ARMH1: variants seen among roughly 807,000 people sequenced by gnomAD.
ARMH1 encodes the protein armadillo-like helical domain containing protein 1.
A neutral mutation model predicts 50.2 loss-of-function variants in ARMH1; 34 were observed. The ratio of observed to expected loss-of-function variants is 0.68; its 90% CI spans 0.51 to 0.90. The LOEUF is 0.90. Ranked by LOEUF, ARMH1 falls within the 40% of genes least tolerant of loss-of-function variation. The probability of loss-of-function intolerance (pLI) is 0.00; values close to 1 mark genes in which losing one functional copy is unlikely to be tolerated. For synonymous variants in ARMH1, 221 were observed against 224.2 expected, an observed-to-expected ratio of 0.99 and a Z score of 0.13; for missense variants, 538 against 553.9, an observed-to-expected ratio of 0.97 and a Z score of 0.29.
intron 3 of ARMH1, among the ~76,000 whole-genome samples, chr1:44,697,647 A>G (rs1288010380): frequency 6.6e-6 from 1 of 151,998 alleles, no homozygotes; most frequent in Non-Finnish European, 1.5e-5. Context: ...GATCCTTTCC[A>G]CAGCTTCCCA....
In ARMH1 at chr1:44,709,510, A is replaced by C. The variant is rs556072585; in HGVS notation, c.724+5337A>C. On this transcript the variant is annotated intron_variant, in intron 6 of 11. Coordinates refer to ENST00000535358, the MANE Select transcript of ARMH1 (RefSeq NM_001145636.2). The stretch of plus-strand genomic sequence containing the variant: ...ACACGGTGAAACCCCATCTCTACTA[A>C]AAATACAAAAAATTAGCCGGGCGTA... Among the ~76,000 whole-genome samples, 32 of 152,140 alleles carry C rather than the reference A, an allele frequency of 2.1e-4. 1 individual carries two copies. The highest frequency in any genetic ancestry group is 6.8e-3 in the Middle Eastern group (2 of 294).
rs1196592419 is a variant in ARMH1 at position 44,713,324 on chromosome 1, C to A, written c.724+9151C>A. 2.6e-5 allele frequency among the ~76,000 whole-genome samples: 4 copies of A among 152,012 alleles called. No individual in the cohort carries two copies. The East Asian group carries it at 7.7e-4, about 29-fold the overall frequency. Reference sequence around the variant, plus strand: ...ATGTTGGCCAGGCTGGTCTCCAACTCCTGGGCTCAAGCGATCCACCTGCCT... The same window carrying A: ...ATGTTGGCCAGGCTGGTCTCCAACTACTGGGCTCAAGCGATCCACCTGCCT... On this transcript the variant is annotated intron_variant, in intron 6 of 11. Coordinates refer to ENST00000535358, the MANE Select transcript of ARMH1 (RefSeq NM_001145636.2).
intron 5 of ARMH1, 132 bp from the exon 6 acceptor site, chr1:44,703,957 A>C: frequency 1.6e-6 from 1 of 621,828 alleles, no homozygotes; most frequent in South Asian, 1.8e-5. Context: ...GGATCTCCTG[A>C]CCTCGTGATC....
In ARMH1 at chr1:44,689,730, C is replaced by T. The variant is rs1557521594; in HGVS notation, c.33C>T (p.Ser11=). 1.3e-6 allele frequency: 2 copies of T among 1,552,006 alleles called. No individual in the cohort carries two copies. Among genetic ancestry groups the T allele is most frequent in the Non-Finnish European group, 1.7e-6 (2 of 1,147,046 alleles). The change falls in exon 2 of 12, where the codon AGC becomes AGT. Residue 11 remains serine, a synonymous_variant. Coordinates refer to ENST00000535358, the MANE Select transcript of ARMH1 (RefSeq NM_001145636.2). ...CTATAAAGGAGCAGGCAGCAATTAG[C>T]AGGCTCTTAAGTTTTTTACAGGAGT... MTSIKEQAAI[S]RLLSFLQEWD... is the part of the protein sequence containing the mutation.
chr1:44,692,018 C>T (rs1456962413), intron 2 of ARMH1, among the ~76,000 whole-genome samples: 1 of 152,148 alleles, frequency 6.6e-6, no homozygotes, highest in African/African-American at 2.4e-5. Flanking sequence ...TCTGTGTGCC[C>T]ATAGCACTCT....
intron 1 of ARMH1, among the ~76,000 whole-genome samples, chr1:44,687,539 C>T (rs1375794062): frequency 6.6e-6 from 1 of 152,106 alleles, no homozygotes; most frequent in Non-Finnish European, 1.5e-5. Flanking sequence ...TGGAGGGCAG[C>T]AAGAGGTGAG....
intron 1 of ARMH1, among the ~76,000 whole-genome samples, chr1:44,677,374 G>C (rs1340315586): frequency 6.6e-6 from 1 of 152,178 alleles, no homozygotes; most frequent in Non-Finnish European, 1.5e-5. Flanking sequence ...ATCTAGGTTT[G>C]GGTTTTACCA....
intron 2 of ARMH1, among the ~76,000 whole-genome samples, chr1:44,696,154 G>A (rs183645282): frequency 6.6e-6 from 1 of 152,314 alleles, no homozygotes; most frequent in East Asian, 1.9e-4. Flanking sequence ...CAAGAGGCAG[G>A]GGAGCCTGGC....
rs58030485 is a variant in ARMH1, at chr1:44,707,247, C to CTGAG, written c.724+3100_724+3103dup. Reference sequence around the variant, plus strand: ...ATGTTAGGTCCTCATTGCATGTTTGCTGAGTGAGTGAGTGAGTGAGTGAGT... The same window carrying CTGAG: ...ATGTTAGGTCCTCATTGCATGTTTGCTGAGTGAGTGAGTGAGTGAGTGAGTGAGT... On this transcript the variant is annotated intron_variant, in intron 6 of 11. Coordinates refer to ENST00000535358, the MANE Select transcript of ARMH1 (RefSeq NM_001145636.2). Among the ~76,000 whole-genome samples, 288 of 152,058 alleles carry CTGAG rather than the reference C, an allele frequency of 1.9e-3. 1 individual carries two copies. Among genetic ancestry groups the CTGAG allele is most frequent in the East Asian group, 2.1e-3 (11 of 5,186 alleles).
intron 6 of ARMH1, among the ~76,000 whole-genome samples, chr1:44,712,046 G>A (rs1646634713): frequency 6.6e-6 from 1 of 152,174 alleles, no homozygotes; most frequent in Non-Finnish European, 1.5e-5. Flanking sequence ...TCTTTCTTCA[G>A]TATTAGAACA....
intron 4 of ARMH1, among the ~76,000 whole-genome samples, chr1:44,699,639 C>T (rs1053341322): frequency 4.0e-5 from 6 of 151,642 alleles, no homozygotes; most frequent in South Asian, 2.1e-4. Flanking sequence ...TTAGTAGAGA[C>T]GGGGTTTCGC....
chr1:44,700,758 A>G (rs1268487234), intron 4 of ARMH1, among the ~76,000 whole-genome samples, 165 bp from the exon 5 acceptor site: 2 of 152,216 alleles, frequency 1.3e-5, no homozygotes, highest in Admixed American at 6.5e-5. Flanking sequence ...ACATAACTCT[A>G]AGGTAAACAA....
intron 5 of ARMH1, 124 bp downstream of exon 5, chr1:44,701,243 G>T (rs1646069095): frequency 1.0e-6 from 1 of 964,132 alleles, no homozygotes; most frequent in Non-Finnish European, 1.5e-6. Context: ...CATGTCTGTT[G>T]TTCAATCAGC....
chr1:44,680,909 C>T lies in ARMH1; in HGVS notation c.-23+6036C>T, dbSNP rs549209614. Among the ~76,000 whole-genome samples, 5 of 151,722 alleles carry T rather than the reference C, an allele frequency of 3.3e-5. No individual in the cohort carries two copies. In the South Asian group the frequency reaches 1.0e-3, roughly 32 times the overall value. On this transcript the variant is annotated intron_variant, in intron 1 of 11. Transcript: ENST00000535358. ...GTGTGACATTTCTACTTTTCTCCAACCCTAATATCATCAGCGTCTTTGTCA... is the reference window on the plus strand; with the variant it reads ...GTGTGACATTTCTACTTTTCTCCAATCCTAATATCATCAGCGTCTTTGTCA...
Position 44,724,321 on chromosome 1 carries a change from C to A in ARMH1, c.849C>A (p.Asp283Glu), listed in dbSNP as rs1341538087. 5.2e-6 allele frequency: 8 copies of A among 1,551,478 alleles called. No homozygotes were observed. In the Admixed American group the frequency reaches 9.8e-5, roughly 19 times the overall value. Reference protein sequence around the residue: ...ISKLQAKILSDPSVLQLTPSL... With the variant: ...ISKLQAKILSEPSVLQLTPSL... Reference sequence around the variant, plus strand: ...GCCTCACGGCTGCCCCCTCCTCAGACCCCTCGGTTCTCCAGCTCACCCCCA... The same window carrying A: ...GCCTCACGGCTGCCCCCTCCTCAGAACCCTCGGTTCTCCAGCTCACCCCCA... The change falls in exon 8 of 12, where the codon GAC becomes GAA. Residue 283 changes from aspartate (D) to glutamate (E), a missense_variant and splice_region_variant. Physicochemically the swap from Asp to Glu is conservative, Grantham distance 45. Transcript: ENST00000535358. The surrounding 1 kb of genome is among the most constrained non-coding windows in gnomAD (Gnocchi z 6.4).
chr1:44,725,225 T>C lies in ARMH1; in HGVS notation c.1210+8T>C, dbSNP rs1648114105. ...CAGTCAATGTTACCAAAGGTGAGTG[T>C]GGGACGAGGGAAGCCGGGCGCAGGC... On this transcript the variant is annotated splice_region_variant and intron_variant, in intron 11 of 11. Coordinates refer to ENST00000535358, the MANE Select transcript of ARMH1 (RefSeq NM_001145636.2). 6.4e-7 allele frequency: 1 copy of C among 1,551,696 alleles called. No homozygotes were observed. The highest frequency in any genetic ancestry group is 1.4e-5 in the African/African-American group (1 of 73,020).
intron 6 of ARMH1, among the ~76,000 whole-genome samples, chr1:44,719,025 G>GA (rs35822364): frequency 0.054 from 4,189 of 78,202 alleles, 209 homozygotes; most frequent in African/African-American, 0.13. Context: ...AACTGTCTCG[G>GA]AAAAAAAAAA....
intron 6 of ARMH1, among the ~76,000 whole-genome samples, chr1:44,718,996 G>C (rs1646967025): frequency 7.3e-6 from 1 of 136,300 alleles, no homozygotes; most frequent in South Asian, 2.3e-4. Flanking sequence ...TAGTACTCCA[G>C]CCTGGGCAAC....
At chr1:44,699,343 A>G (rs558404192) in intron 4 of ARMH1, among the ~76,000 whole-genome samples, 2 of 152,120 alleles carry the variant, frequency 1.3e-5, no homozygotes, top group East Asian at 1.9e-4. Flanking sequence ...TTGAATACCT[A>G]CTGTGTGCTA....
Sources: allele counts gnomAD v4.1 joint callset (sites outside exome capture counted in the v4.1 genomes callset), GRCh38; gene constraint gnomAD v4.1.1; non-coding constraint Gnocchi (gnomAD v3.1); transcripts MANE v1.5; gene names NCBI Gene and HGNC (gene_info 2026-07-23, HGNC 2026-07-21).